Variants in FAM110B observed in about 807,000 individuals in gnomAD.
The protein encoded by FAM110B is protein FAM110B.
In FAM110B, 6 loss-of-function variants were observed where a neutral mutation model predicts 20.4. The observed-to-expected ratio is 0.29, with a 90% CI of 0.16 to 0.58. The LOEUF is 0.58. Ranked by LOEUF, FAM110B falls within the 20% of genes least tolerant of loss-of-function variation. The probability of loss-of-function intolerance (pLI) is 0.90; values close to 1 mark genes in which losing one functional copy is unlikely to be tolerated. For missense variants in FAM110B, 434 were observed against 498.2 expected, an observed-to-expected ratio of 0.87 and a Z score of 1.23; for synonymous variants, 226 against 214.1, an observed-to-expected ratio of 1.06 and a Z score of -0.49.
chr8:58,025,703 G>C (rs182630481), intron 1 of FAM110B, among the ~76,000 whole-genome samples: 5 of 152,174 alleles, frequency 3.3e-5, no homozygotes, highest in Non-Finnish European at 7.3e-5. Context: ...TACTAAATTT[G>C]TAGCTGCTGC....
At chr8:58,083,750 C>T (rs962288834) in intron 3 of FAM110B, among the ~76,000 whole-genome samples, 17 of 152,196 alleles carry the variant, frequency 1.1e-4, no homozygotes, top group South Asian at 4.1e-4. Flanking sequence ...TTAAAAATTA[C>T]GTATCCAGTG....
intron 3 of FAM110B, among the ~76,000 whole-genome samples, chr8:58,119,164 C>T (rs1318949008): frequency 6.6e-6 from 1 of 152,204 alleles, no homozygotes; most frequent in Non-Finnish European, 1.5e-5. Context: ...TTTCTCCCCT[C>T]ATAACTTATT....
At chr8:58,077,302 A>T (rs998016129) in intron 3 of FAM110B, 1 of 152,188 alleles carries the variant, frequency 6.6e-6, no homozygotes, top group African/African-American at 2.4e-5. Flanking sequence ...CATCCTAGAG[A>T]GCTGAGGGGT....
chr8:58,052,137 C>T (rs1805458107), intron 2 of FAM110B, among the ~76,000 whole-genome samples: 1 of 152,164 alleles, frequency 6.6e-6, no homozygotes, highest in Non-Finnish European at 1.5e-5. Flanking sequence ...AGGCTGGGCA[C>T]TGGACAGGGA....
chr8:58,053,066 T>G (rs1285480971), intron 2 of FAM110B, among the ~76,000 whole-genome samples: 1 of 151,486 alleles, frequency 6.6e-6, no homozygotes, highest in Non-Finnish European at 1.5e-5. Flanking sequence ...ATTACAGGCG[T>G]GAGCCACCGC....
At chr8:58,023,021 GA>G (rs972982232) in intron 1 of FAM110B, among the ~76,000 whole-genome samples, 28 of 151,862 alleles carry the variant, frequency 1.8e-4, no homozygotes, top group African/African-American at 5.1e-4. Context: ...ATTTTTTAAG[GA>G]AAAAAAATTT....
chr8:58,128,174 T>C (rs1379710592), intron 3 of FAM110B, among the ~76,000 whole-genome samples: 1 of 152,226 alleles, frequency 6.6e-6, no homozygotes, highest in African/African-American at 2.4e-5. Flanking sequence ...AGGAAGGTGC[T>C]GTTATTATCC....
intron 3 of FAM110B, among the ~76,000 whole-genome samples, chr8:58,093,519 G>A (rs1806539904): frequency 1.3e-5 from 2 of 152,248 alleles, no homozygotes; most frequent in South Asian, 4.1e-4. Flanking sequence ...TTTCTCCATT[G>A]CTTATTTTTG....
At chr8:58,100,039 T>C (rs530990542) in intron 3 of FAM110B, among the ~76,000 whole-genome samples, 1 of 152,288 alleles carries the variant, frequency 6.6e-6, no homozygotes, top group East Asian at 1.9e-4. Flanking sequence ...CTCAGTACTG[T>C]CTGGCCAGAC....
intron 3 of FAM110B, among the ~76,000 whole-genome samples, chr8:58,131,534 G>A (rs1404169489): frequency 1.3e-5 from 2 of 152,028 alleles, no homozygotes; most frequent in East Asian, 1.9e-4. Context: ...CTATATCACC[G>A]TCTCCTGTTT....
chr8:58,059,196 A>T (rs974671771), intron 2 of FAM110B, among the ~76,000 whole-genome samples: 1 of 152,110 alleles, frequency 6.6e-6, no homozygotes, highest in Non-Finnish European at 1.5e-5. Context: ...CTGTGAATGG[A>T]TATTTGAATT....
intron 3 of FAM110B, among the ~76,000 whole-genome samples, chr8:58,094,729 G>A (rs7840512): frequency 0.07 from 10,592 of 152,144 alleles, 719 homozygotes; most frequent in African/African-American, 0.17. Context: ...TTGTGTCTCC[G>A]CCAGGTTTTG....
intron 3 of FAM110B, among the ~76,000 whole-genome samples, chr8:58,089,789 G>A (rs182120875): frequency 2.6e-5 from 4 of 152,316 alleles, no homozygotes; most frequent in Admixed American, 2.0e-4. Flanking sequence ...TTAGAAGAAA[G>A]CATTTCATGG....
intron 2 of FAM110B, among the ~76,000 whole-genome samples, chr8:58,062,421 C>T (rs768067235): frequency 9.2e-5 from 14 of 152,184 alleles, no homozygotes; most frequent in Non-Finnish European, 1.8e-4. Flanking sequence ...GTTAAACAGA[C>T]TCCATTTGCA....
intron 3 of FAM110B, among the ~76,000 whole-genome samples, chr8:58,114,709 A>G (rs576044334): frequency 9.8e-5 from 15 of 152,348 alleles, no homozygotes; most frequent in African/African-American, 3.6e-4. Flanking sequence ...TGTGAGCGCT[A>G]GGCCCTGTTC....
At chr8:58,024,438 G>A (rs563265466) in intron 1 of FAM110B, among the ~76,000 whole-genome samples, 2 of 152,192 alleles carry the variant, frequency 1.3e-5, no homozygotes, top group East Asian at 3.9e-4. Context: ...CAAAAAGGGA[G>A]ATAGAAAGAA....
intron 3 of FAM110B, among the ~76,000 whole-genome samples, chr8:58,080,863 C>G (rs1806171244): frequency 6.6e-6 from 1 of 152,196 alleles, no homozygotes; most frequent in Admixed American, 6.5e-5. Context: ...CTTCATGTTC[C>G]TGAAATACTT....
chr8:58,051,884 C>CA lies in FAM110B; in HGVS notation c.-414+20186dup, dbSNP rs138188382. 8.0e-4 allele frequency among the ~76,000 whole-genome samples: 122 copies of CA among 152,250 alleles called. 1 individual carries two copies. In the East Asian group the frequency reaches 0.018, roughly 22 times the overall value. ...GCCTTTTACTCTCCCCTACCTCTTT[C>CA]AAAAAGCAGCATTCATTTAAATGAG... is the stretch of plus-strand genomic sequence containing the variant. On this transcript the variant is annotated intron_variant, in intron 2 of 3. Transcript: ENST00000519262.
intron 1 of FAM110B, among the ~76,000 whole-genome samples, chr8:58,018,114 TCAAA>T (rs34387032): frequency 0.046 from 7,043 of 152,258 alleles, 233 homozygotes; most frequent in Non-Finnish European, 0.052. Context: ...TTTTAAATGC[TCAAA>T]CAAATGTATT....
Sources: gnomAD v4.1 joint callset for allele counts (sites outside exome capture counted in the v4.1 genomes callset) on GRCh38, gnomAD v4.1.1 for gene constraint, MANE v1.5 for transcripts, NCBI Gene and HGNC (gene_info 2026-07-23, HGNC 2026-07-21) for gene names.